ITGA5: variants seen among roughly 807,000 people sequenced by gnomAD.
ITGA5 encodes integrin subunit alpha 5, also known as integrin alpha-5.
ITGA5 carries 55 observed loss-of-function variants against 146.3 expected under a neutral mutation model. The ratio of observed to expected loss-of-function variants is 0.38; its 90% CI spans 0.30 to 0.47. The LOEUF (loss-of-function observed/expected upper bound fraction) is 0.47. ITGA5 is among the 20% of genes least tolerant of loss of function. ITGA5 has a pLI of 0.99. For missense variants in ITGA5, 1,131 were observed against 1,329.0 expected, an observed-to-expected ratio of 0.85 and a Z score of 2.32; for synonymous variants, 500 against 531.8, an observed-to-expected ratio of 0.94 and a Z score of 0.82.
intron 2 of ITGA5, among the ~76,000 whole-genome samples, chr12:54,410,102 G>T (rs533508217): frequency 6.6e-6 from 1 of 151,854 alleles, no homozygotes; most frequent in East Asian, 1.9e-4. Context: ...TGACCTGCCC[G>T]CCTCAGCCTC....
Position 54,401,104 on chromosome 12 carries a change from C to G in ITGA5, c.2494-109G>C, listed in dbSNP as rs1378817164. On this transcript the variant is annotated intron_variant, in intron 24 of 29. Coordinates refer to ENST00000293379, the MANE Select transcript of ITGA5 (RefSeq NM_002205.5). The surrounding 1 kb of genome is among the most constrained non-coding windows in gnomAD (Gnocchi z 5.0). ...ATACCCTGCTGTCAGGCTCCTATCT[C>G]AGAGATGAAGCAGGGAAGCAATGGG... 4 of 1,172,282 alleles carry G rather than the reference C, an allele frequency of 3.4e-6. No individual in the cohort carries two copies. In the African/African-American group the frequency reaches 4.6e-5, roughly 13 times the overall value. 72.6% of individuals were successfully genotyped at this position (1,172,282 alleles called of 1,614,324 possible).
intron 6 of ITGA5, 64 bp from the exon 7 acceptor site, chr12:54,408,299 G>C: frequency 6.4e-7 from 1 of 1,564,704 alleles, no homozygotes; most frequent in African/African-American, 1.4e-5. Flanking sequence ...GGGACTCTGG[G>C]GGCTGACTGG....
rs1263572612 is a variant in ITGA5, at chr12:54,403,567, C to T, written c.1776+58G>A. 5.1e-6 allele frequency: 8 copies of T among 1,563,268 alleles called. No homozygotes were observed. The highest frequency in any genetic ancestry group is 2.3e-5 in the East Asian group (1 of 44,364). ...AGTCTTTTTCCCTTCAGGAGGTGCC[C>T]TCAGTTCTGTGTGGCCACCCTCCCT... On this transcript the variant is annotated intron_variant, in intron 17 of 29. Coordinates refer to ENST00000293379, the MANE Select transcript of ITGA5 (RefSeq NM_002205.5). This position sits in a 1 kb window ranked among gnomAD's most constrained non-coding sequence, Gnocchi z 4.9.
chr12:54,408,889 T>G lies in ITGA5; in HGVS notation c.645+4A>C. 6.2e-7 allele frequency: 1 copy of G among 1,613,960 alleles called. No homozygotes were observed. Among genetic ancestry groups the G allele is most frequent in the Non-Finnish European group, 8.5e-7 (1 of 1,179,942 alleles). On this transcript the variant is annotated splice_donor_region_variant and intron_variant, in intron 5 of 29. Transcript: ENST00000293379. ...GCCCCTTCTCTCCCAGACCACTCTC[T>G]CACCTTGGTGAACTCGGCACTGAAG...
chr12:54,403,172 C>T lies in ITGA5; in HGVS notation c.1914+15G>A. The T allele has an allele frequency of 5.7e-6, 9 of 1,569,890 alleles. No individual in the cohort carries two copies. Among genetic ancestry groups the T allele is most frequent in the Non-Finnish European group, 7.8e-6 (9 of 1,159,182 alleles). On this transcript the variant is annotated intron_variant, in intron 18 of 29. Transcript: ENST00000293379. The surrounding 1 kb of genome is among the most constrained non-coding windows in gnomAD (Gnocchi z 4.9). ...CTCTGTCTTCCCAGGTCCCTTCTCC[C>T]TGCCCTGTCCTCACCTTGTCCTCTA...
rs1019999721 is a variant in ITGA5 at position 54,416,629 on chromosome 12, C to T, written c.218+2352G>A. On this transcript the variant is annotated intron_variant, in intron 1 of 29. Transcript: ENST00000293379. The surrounding 1 kb of genome is among the most constrained non-coding windows in gnomAD (Gnocchi z 4.1). ...ATGCCGCCCATGTATTGATCACTCT[C>T]TGTGGACCAGGTTCCTTTTGTATAT... Among the ~76,000 whole-genome samples the T allele has an allele frequency of 6.6e-6, 1 of 152,250 alleles. No individual in the cohort carries two copies. The highest frequency in any genetic ancestry group is 2.4e-5 in the African/African-American group (1 of 41,462).
chr12:54,404,514 CA>C, intron 13 of ITGA5, 39 bp from the exon 14 acceptor site: 1 of 1,611,456 alleles, frequency 6.2e-7, no homozygotes, highest in Non-Finnish European at 8.5e-7. Flanking sequence ...CAGCAAGCCC[CA>C]GATCAGGATC....
In ITGA5 at chr12:54,401,252, T is replaced by C; in HGVS notation, c.2493+121A>G. 2 of 848,156 alleles carry C rather than the reference T, an allele frequency of 2.4e-6. No individual in the cohort carries two copies. The highest frequency in any genetic ancestry group is 3.7e-5 in the Admixed American group (2 of 54,050). 52.5% of individuals were successfully genotyped at this position (848,156 alleles called of 1,614,324 possible). ...CAGGACTCTGCCTCATGCCTTTGCA[T>C]ATCACTTACTCCTCCCTCCTCTCTT... On this transcript the variant is annotated intron_variant, in intron 24 of 29. Coordinates refer to ENST00000293379, the MANE Select transcript of ITGA5 (RefSeq NM_002205.5). The surrounding 1 kb of genome is among the most constrained non-coding windows in gnomAD (Gnocchi z 5.0).
At chr12:54,398,835 C>CTTTTTT (rs34443272) in intron 27 of ITGA5, 137 bp from the exon 28 acceptor site, 11 of 220,500 alleles carry the variant, frequency 5.0e-5, no homozygotes, top group South Asian at 1.7e-4. Context: ...CTCTCTCTCT[C>CTTTTTT]TTTTTTTTTT....
Position 54,409,111 on chromosome 12 carries a change from A to G in ITGA5, c.583+121T>C. On this transcript the variant is annotated intron_variant, in intron 4 of 29. Coordinates refer to ENST00000293379, the MANE Select transcript of ITGA5 (RefSeq NM_002205.5). The surrounding 1 kb of genome is among the most constrained non-coding windows in gnomAD (Gnocchi z 4.7). The stretch of plus-strand genomic sequence containing the variant: ...AGGCTAACGAACTGGGTTAGCCTTT[A>G]TCTTAAGCAACCTAGAACCTCATGG... 2.0e-6 allele frequency: 3 copies of G among 1,477,484 alleles called. No homozygotes were observed. Among genetic ancestry groups the G allele is most frequent in the Middle Eastern group, 1.9e-4 (1 of 5,182 alleles). The allele number at this position is 1,477,484 out of a possible 1,614,324, so 91.5% of individuals were successfully genotyped here.
chr12:54,411,789 C>G, intron 2 of ITGA5, 45 bp downstream of exon 2: 1 of 1,408,552 alleles, frequency 7.1e-7, no homozygotes, highest in Non-Finnish European at 9.4e-7. Context: ...TGCCCCCAGG[C>G]TGCAGTCCCA....
rs753025134 is a variant in ITGA5, at chr12:54,402,237, C to T, written c.2076G>A (p.Glu692=). The T allele has an allele frequency of 6.2e-7, 1 of 1,614,160 alleles. No individual in the cohort carries two copies. Among genetic ancestry groups the T allele is most frequent in the Non-Finnish European group, 8.5e-7 (1 of 1,180,028 alleles). The part of the protein sequence containing the change: ...NVGEGGAYEA[E]LRVTAPPEAE... ...CCTCTGGAGGGGCGGTGACCCGAAG[C>T]TCAGCCTCATAGGCGCCACCCTCAC... The change falls in exon 20 of 30, where the codon GAG becomes GAA. Residue 692 remains glutamate (E), a synonymous_variant. Coordinates refer to ENST00000293379, the MANE Select transcript of ITGA5 (RefSeq NM_002205.5).
intron 28 of ITGA5, 125 bp from the exon 29 acceptor site, chr12:54,397,612 G>C (rs990809863): frequency 6.1e-6 from 7 of 1,142,072 alleles, no homozygotes; most frequent in African/African-American, 4.6e-5. Flanking sequence ...AACAGGGAGG[G>C]CCTGTGTCTG....
In ITGA5 at chr12:54,408,219, G is replaced by T. The variant is rs757963837; in HGVS notation, c.708C>A (p.Ala236=). Residue 236 remains alanine, a synonymous_variant, in exon 7 of 30, where the codon GCC becomes GCA. Coordinates refer to ENST00000293379, the MANE Select transcript of ITGA5 (RefSeq NM_002205.5). ...SYFWQGQILS[A]TQEQIAESYY... is the part of the protein sequence containing the mutation. ...AAGATTCTGCAATCTGCTCCTGAGT[G>T]GCAGACAGGATCTGGCCTGGAGAGA... 6.2e-7 allele frequency: 1 copy of T among 1,614,140 alleles called. No individual in the cohort carries two copies. Among genetic ancestry groups the T allele is most frequent in the East Asian group, 2.2e-5 (1 of 44,874 alleles).
At position 54,411,963 on chromosome 12, in the gene ITGA5, C is replaced by A. The variant is rs760018225; in HGVS notation, c.220G>T (p.Val74Phe). 2 of 1,582,524 alleles carry A rather than the reference C, an allele frequency of 1.3e-6. No homozygotes were observed. Among genetic ancestry groups the A allele is most frequent in the Non-Finnish European group, 1.7e-6 (2 of 1,165,622 alleles). The change falls in exon 2 of 30, where the codon GTC becomes TTC. Residue 74 changes from valine to phenylalanine, a missense_variant and splice_region_variant. Around this residue, in one of 3 missense-constraint regions of ITGA5, gnomAD observed 175 missense variants for 179.3 expected, o/e 0.98. Coordinates refer to ENST00000293379, the MANE Select transcript of ITGA5 (RefSeq NM_002205.5). ...VEFYRPGTDG[V>F]SVLVGAPKAN... ...TTGGGTGCTCCCACCAGCACACTGA[C>A]CCTGTGGGGGGGAAAAGCGAGGCAG...
In ITGA5 at chr12:54,408,967, A is replaced by G. The variant is rs1324360580; in HGVS notation, c.584-13T>C. 6.2e-7 allele frequency: 1 copy of G among 1,613,602 alleles called. No individual in the cohort carries two copies. The highest frequency in any genetic ancestry group is 8.5e-7 in the Non-Finnish European group (1 of 1,179,690). The stretch of plus-strand genomic sequence containing the variant: ...GCCCAGCTGAAATCTGTGAGGGGAG[A>G]AGGTGGTGAAAATGAGCCCTGCATA... On this transcript the variant is annotated splice_polypyrimidine_tract_variant and intron_variant, in intron 4 of 29. Transcript: ENST00000293379.
rs1004716514 is a variant in ITGA5, at chr12:54,403,137, A to G, written c.1914+50T>C. 26 of 1,596,010 alleles carry G rather than the reference A, an allele frequency of 1.6e-5. No individual in the cohort carries two copies. The highest frequency in any genetic ancestry group is 9.5e-5 in the African/African-American group (7 of 74,006). On this transcript the variant is annotated intron_variant, in intron 18 of 29. Transcript: ENST00000293379. This position sits in a 1 kb window ranked among gnomAD's most constrained non-coding sequence, Gnocchi z 4.9. ...CTCTTTCCATGGCCCTGCCCCCCCAATACCCAGGCCTCTGTCTTCCCAGGT... is the reference window on the plus strand; with the variant it reads ...CTCTTTCCATGGCCCTGCCCCCCCAGTACCCAGGCCTCTGTCTTCCCAGGT...
Position 54,403,556 on chromosome 12 carries a change from C to G in ITGA5, c.1776+69G>C. On this transcript the variant is annotated intron_variant, in intron 17 of 29. Transcript: ENST00000293379. This position sits in a 1 kb window ranked among gnomAD's most constrained non-coding sequence, Gnocchi z 4.9. ...TGGAGTCCCCCAGTCTTTTTCCCTTCAGGAGGTGCCCTCAGTTCTGTGTGG... is the reference window on the plus strand; with the variant it reads ...TGGAGTCCCCCAGTCTTTTTCCCTTGAGGAGGTGCCCTCAGTTCTGTGTGG... The G allele has an allele frequency of 8.5e-6, 13 of 1,522,700 alleles. No individual in the cohort carries two copies. Among genetic ancestry groups the G allele is most frequent in the Non-Finnish European group, 1.2e-5 (13 of 1,125,752 alleles). 94.3% of individuals were successfully genotyped at this position (1,522,700 alleles called of 1,614,324 possible).
intron 1 of ITGA5, among the ~76,000 whole-genome samples, chr12:54,417,736 G>A (rs1208325822): frequency 1.3e-5 from 2 of 152,096 alleles, no homozygotes; most frequent in Non-Finnish European, 2.9e-5. Flanking sequence ...GGTTGGGGTG[G>A]GGGTGAGCAG....
Sources: allele counts gnomAD v4.1 joint callset (sites outside exome capture counted in the v4.1 genomes callset), GRCh38; gene constraint gnomAD v4.1.1; regional missense constraint gnomAD v4.1.1; non-coding constraint Gnocchi (gnomAD v3.1); transcripts MANE v1.5; gene names NCBI Gene and HGNC (gene_info 2026-07-23, HGNC 2026-07-21).